ABL2: variants seen among roughly 807,000 people sequenced by gnomAD.
ABL2 encodes tyrosine-protein kinase ABL2.
A neutral mutation model predicts 107.7 loss-of-function variants in ABL2; 49 were observed. That is an observed-to-expected ratio of 0.45 (90% CI 0.36 to 0.58). The LOEUF is 0.58. Among genes scored for constraint, ABL2 ranks in the 20% least tolerant of loss-of-function variants. The pLI is 0.00. For missense variants in ABL2, 1,245 were observed against 1,457.0 expected, an observed-to-expected ratio of 0.85 and a Z score of 2.37; for synonymous variants, 549 against 548.6, an observed-to-expected ratio of 1.00 and a Z score of -0.01.
Position 179,206,002 on chromosome 1 carries a change from T to A in ABL2, c.157+23239A>T, listed in dbSNP as rs944088259. Among the ~76,000 whole-genome samples the A allele has an allele frequency of 2.6e-5, 4 of 152,218 alleles. No homozygotes were observed. The East Asian group carries it at 7.7e-4, about 29-fold the overall frequency. On this transcript the variant is annotated intron_variant, in intron 1 of 11. Coordinates refer to ENST00000502732, the MANE Select transcript of ABL2 (RefSeq NM_007314.4). ...CAGCCCTCTATTAGATAGGTATCATTATCATCTCTATTTTACAAATAAGGA... is the reference window on the plus strand; with the variant it reads ...CAGCCCTCTATTAGATAGGTATCATAATCATCTCTATTTTACAAATAAGGA...
At chr1:179,193,985 C>T (rs1661167436) in intron 1 of ABL2, among the ~76,000 whole-genome samples, 1 of 152,064 alleles carries the variant, frequency 6.6e-6, no homozygotes, top group Non-Finnish European at 1.5e-5. Context: ...TAAGTGATAG[C>T]AACAACTGGA....
intron 1 of ABL2, among the ~76,000 whole-genome samples, chr1:179,213,130 C>A (rs1454939005): frequency 6.7e-6 from 1 of 150,186 alleles, no homozygotes; most frequent in African/African-American, 2.5e-5. Flanking sequence ...AATTTAAATT[C>A]AAAAAATTAA....
chr1:179,171,563 C>T (rs12133704), intron 1 of ABL2, among the ~76,000 whole-genome samples: 14,364 of 152,266 alleles, frequency 0.094, 714 homozygotes, highest in African/African-American at 0.12. Context: ...ACCATCATAG[C>T]TCAGGTTGGA....
intron 1 of ABL2, chr1:179,221,930 T>C (rs772194942): frequency 4.3e-6 from 1 of 235,070 alleles, no homozygotes; most frequent in Admixed American, 4.1e-5. Context: ...GTAAAACCCA[T>C]GATGTTTATG....
At chr1:179,115,443 A>G (rs1313401946) in intron 8 of ABL2, among the ~76,000 whole-genome samples, 1 of 152,214 alleles carries the variant, frequency 6.6e-6, no homozygotes, top group African/African-American at 2.4e-5. Context: ...ATTAAATAGA[A>G]AATTCCAGAA....
At chr1:179,145,983 T>A (rs888980234) in intron 1 of ABL2, among the ~76,000 whole-genome samples, 7 of 149,448 alleles carry the variant, frequency 4.7e-5, no homozygotes, top group Admixed American at 4.1e-4. Context: ...AACCTCCACC[T>A]CCCAGGTTCA....
intron 1 of ABL2, among the ~76,000 whole-genome samples, chr1:179,209,836 C>CAAACATT (rs1662166923): frequency 6.6e-6 from 1 of 152,096 alleles, no homozygotes; most frequent in Non-Finnish European, 1.5e-5. Context: ...AAATGGCCAG[C>CAAACATT]TCTTAAACTG....
chr1:179,152,329 C>T (rs1658412164), intron 1 of ABL2, among the ~76,000 whole-genome samples: 1 of 152,228 alleles, frequency 6.6e-6, no homozygotes, highest in Admixed American at 6.5e-5. Context: ...TGGTCTCACA[C>T]ACTAGCCCAA....
intron 1 of ABL2, among the ~76,000 whole-genome samples, chr1:179,163,474 C>A (rs994992818): frequency 2.2e-4 from 34 of 152,166 alleles, no homozygotes; most frequent in African/African-American, 8.0e-4. Flanking sequence ...GGGCCAGGCG[C>A]AGTGGCTAAC....
At chr1:179,171,782 A>T (rs1410473903) in intron 1 of ABL2, among the ~76,000 whole-genome samples, 1 of 152,228 alleles carries the variant, frequency 6.6e-6, no homozygotes, top group Non-Finnish European at 1.5e-5. Context: ...CAGTGCTGGG[A>T]TTACAGACAT....
In ABL2 at chr1:179,155,917, A is replaced by G. The variant is rs147840543; in HGVS notation, c.158-22543T>C. Reference sequence around the variant, plus strand: ...TTTCCTCAAAAAAAGGATGAGCTGAACAAAAATCTTCCCTAATATATGGCT... The same window carrying G: ...TTTCCTCAAAAAAAGGATGAGCTGAGCAAAAATCTTCCCTAATATATGGCT... On this transcript the variant is annotated intron_variant, in intron 1 of 11. Coordinates refer to ENST00000502732, the MANE Select transcript of ABL2 (RefSeq NM_007314.4). Among the ~76,000 whole-genome samples the G allele has an allele frequency of 2.2e-3, 333 of 152,304 alleles. 2 individuals carry two copies. Among genetic ancestry groups the G allele is most frequent in the African/African-American group, 7.3e-3 (305 of 41,570 alleles).
rs58297805 is a variant in ABL2 at position 179,147,181 on chromosome 1, C to CAAAAAAAAAAAAAAAAAAAAAAA, written c.158-13830_158-13808dup. ...CCAATCACTAATCATCAGAGAAATG[C>CAAAAAAAAAAAAAAAAAAAAAAA]AAAAAAAAAAAAAAAAAAAAAAAAA... is the stretch of plus-strand genomic sequence containing the variant. On this transcript the variant is annotated intron_variant, in intron 1 of 11. Transcript: ENST00000502732. Among the ~76,000 whole-genome samples, 27 of 50,534 alleles carry CAAAAAAAAAAAAAAAAAAAAAAA rather than the reference C, an allele frequency of 5.3e-4. 8 individuals carry two copies. Among genetic ancestry groups the CAAAAAAAAAAAAAAAAAAAAAAA allele is most frequent in the African/African-American group, 1.3e-3 (17 of 13,244 alleles). The allele number at this position is 50,534 out of a possible 152,430, so 33.2% of individuals were successfully genotyped here.
At chr1:179,121,227 A>C (rs1655161247) in intron 5 of ABL2, among the ~76,000 whole-genome samples, 1 of 152,236 alleles carries the variant, frequency 6.6e-6, no homozygotes, top group Non-Finnish European at 1.5e-5. Flanking sequence ...AGGGAGAGAA[A>C]GGACAGAACA....
Position 179,173,946 on chromosome 1 carries a change from A to G in ABL2, c.158-40572T>C, listed in dbSNP as rs981735344. On this transcript the variant is annotated intron_variant, in intron 1 of 11. Coordinates refer to ENST00000502732, the MANE Select transcript of ABL2 (RefSeq NM_007314.4). ...TAAAGGAATAATTACAATGCCACCT[A>G]CCTTCTCAAGAAAACCCTGAAGTAT... is the stretch of plus-strand genomic sequence containing the variant. 5.2e-5 allele frequency among the ~76,000 whole-genome samples: 5 copies of G among 95,678 alleles called. No homozygotes were observed. The Admixed American group carries it at 6.7e-4, about 13-fold the overall frequency. The allele number at this position is 95,678 out of a possible 152,430, so 62.8% of individuals were successfully genotyped here. A position where few individuals can be genotyped will look rare whatever the true frequency, so the allele number is the denominator to read the frequency against.
chr1:179,201,624 A>G (rs919292616), intron 1 of ABL2: 2 of 443,984 alleles, frequency 4.5e-6, no homozygotes, highest in Non-Finnish European at 8.4e-6. Context: ...GGCTGCCTAC[A>G]TGGATACCCA....
At chr1:179,123,039 T>C (rs1572642016) in intron 4 of ABL2, among the ~76,000 whole-genome samples, 2 of 152,328 alleles carry the variant, frequency 1.3e-5, no homozygotes, top group East Asian at 3.9e-4. Flanking sequence ...CTGATCAAAG[T>C]AGGCAAGCAA....
intron 1 of ABL2, among the ~76,000 whole-genome samples, chr1:179,197,523 T>C (rs1242287073): frequency 1.3e-5 from 2 of 149,572 alleles, no homozygotes; most frequent in Non-Finnish European, 3.0e-5. Context: ...AGGGAGGGTG[T>C]CTGATTTTCT....
intron 1 of ABL2, among the ~76,000 whole-genome samples, chr1:179,204,400 A>C (rs1324311791): frequency 1.3e-5 from 2 of 152,106 alleles, no homozygotes; most frequent in Non-Finnish European, 2.9e-5. Flanking sequence ...GCAGAGTTAA[A>C]AGTGAAAGTT....
chr1:179,213,144 T>TTA (rs1024670079), intron 1 of ABL2, among the ~76,000 whole-genome samples: 3 of 151,996 alleles, frequency 2.0e-5, no homozygotes, highest in Non-Finnish European at 2.9e-5. Context: ...AAATTAATTT[T>TTA]TATATATATG....
Sources: gnomAD v4.1 joint callset for allele counts (sites outside exome capture counted in the v4.1 genomes callset) on GRCh38, gnomAD v4.1.1 for gene constraint, MANE v1.5 for transcripts, NCBI Gene and HGNC (gene_info 2026-07-23, HGNC 2026-07-21) for gene names.